The following CYFIP2 variants were observed in gnomAD, a reference collection of about 807,000 sequenced individuals.
The protein encoded by CYFIP2 is cytoplasmic FMR1 interacting protein 2, also known as cytoplasmic FMR1-interacting protein 2.
A neutral mutation model predicts 158.7 loss-of-function variants in CYFIP2; 29 were observed. That is an observed-to-expected ratio of 0.18 (90% confidence interval 0.14 to 0.25). The LOEUF (loss-of-function observed/expected upper bound fraction) is 0.25. Ranked by LOEUF, CYFIP2 falls within the 10% of genes least tolerant of loss-of-function variation. The probability of loss-of-function intolerance (pLI) is 1.00; values close to 1 mark genes in which losing one functional copy is unlikely to be tolerated. For missense variants in CYFIP2, 852 were observed against 1,639.5 expected, an observed-to-expected ratio of 0.52 and a Z score of 8.29; for synonymous variants, 585 against 617.6, an observed-to-expected ratio of 0.95 and a Z score of 0.78.
intron 2 of CYFIP2, among the ~76,000 whole-genome samples, 166 bp downstream of exon 2, chr5:157,285,644 TA>T (rs1757316338): frequency 6.6e-6 from 1 of 152,168 alleles, no homozygotes; most frequent in African/African-American, 2.4e-5. Flanking sequence ...AGGAACAGAT[TA>T]GCTACTAAAT....
At chr5:157,356,517 T>C (rs972334545) in intron 23 of CYFIP2, among the ~76,000 whole-genome samples, 1 of 152,230 alleles carries the variant, frequency 6.6e-6, no homozygotes, top group African/African-American at 2.4e-5. Flanking sequence ...CAAACACTTC[T>C]ATGTAGTCAA....
chr5:157,302,702 CTG>C (rs1418413903), intron 6 of CYFIP2, 90 bp from the exon 7 acceptor site: 17 of 873,980 alleles, frequency 1.9e-5, no homozygotes, highest in Non-Finnish European at 2.6e-5. Flanking sequence ...TGATGTCACT[CTG>C]TGTTAGGTGG....
At chr5:157,323,229 C>T (rs1760747601) in intron 15 of CYFIP2, among the ~76,000 whole-genome samples, 1 of 152,194 alleles carries the variant, frequency 6.6e-6, no homozygotes, top group South Asian at 2.1e-4. Context: ...CTAGTAGCCT[C>T]CTGTGTAAGT....
chr5:157,296,033 G>A lies in CYFIP2; in HGVS notation c.286-640G>A, dbSNP rs75761912. On this transcript the variant is annotated intron_variant, in intron 4 of 30. Transcript: ENST00000620254. Reference sequence around the variant, plus strand: ...ATCCAGCTGGACCCCGCTAGAGTGCGGACAGGGGAAAGACTGAAGGAGGGA... The same window carrying A: ...ATCCAGCTGGACCCCGCTAGAGTGCAGACAGGGGAAAGACTGAAGGAGGGA... Among the ~76,000 whole-genome samples the A allele has an allele frequency of 8.3e-4, 126 of 152,328 alleles. No homozygotes were observed. In the East Asian group the frequency reaches 0.018, roughly 22 times the overall value.
chr5:157,324,582 C>T (rs1415533599), intron 16 of CYFIP2, among the ~76,000 whole-genome samples: 1 of 152,118 alleles, frequency 6.6e-6, no homozygotes. Flanking sequence ...GTGATTGTAA[C>T]AAACAGTACA....
At chr5:157,391,107 G>T (rs527987552) in intron 30 of CYFIP2, among the ~76,000 whole-genome samples, 1 of 152,192 alleles carries the variant, frequency 6.6e-6, no homozygotes, top group East Asian at 1.9e-4. Flanking sequence ...GGGAGGCTGT[G>T]TCTGGGCTGA....
intron 26 of CYFIP2, among the ~76,000 whole-genome samples, chr5:157,373,954 G>C (rs1432051066): frequency 1.3e-5 from 2 of 152,206 alleles, no homozygotes; most frequent in Non-Finnish European, 2.9e-5. Context: ...ATCTAAGCTA[G>C]TAATTTTCCA....
At chr5:157,343,424 C>G in intron 23 of CYFIP2, 1 of 1,614,172 alleles carries the variant, frequency 6.2e-7, no homozygotes, top group Non-Finnish European at 8.5e-7. Context: ...AGAGAAGATG[C>G]TGTTCCAGTT....
At chr5:157,278,359 G>C (rs1374670001) in intron 1 of CYFIP2, among the ~76,000 whole-genome samples, 1 of 152,122 alleles carries the variant, frequency 6.6e-6, no homozygotes, top group Non-Finnish European at 1.5e-5. Context: ...TAGCTTGCCA[G>C]AGTTGTGTTC....
chr5:157,334,640 A>G (rs1448989193), intron 21 of CYFIP2, among the ~76,000 whole-genome samples: 5 of 152,178 alleles, frequency 3.3e-5, no homozygotes, highest in Non-Finnish European at 7.3e-5. Context: ...CACAATCTCA[A>G]TCTAATTATG....
chr5:157,328,095 A>C (rs1234338245), intron 19 of CYFIP2, 46 bp downstream of exon 19: 2 of 1,550,858 alleles, frequency 1.3e-6, no homozygotes, highest in East Asian at 2.3e-5. Context: ...TAAGACTGCC[A>C]CCTAGAAGAC....
intron 2 of CYFIP2, among the ~76,000 whole-genome samples, 164 bp downstream of exon 2, chr5:157,285,642 A>G (rs116130695): frequency 4.1e-4 from 62 of 152,300 alleles, no homozygotes; most frequent in African/African-American, 1.4e-3. Context: ...TAAGGAACAG[A>G]TTAGCTACTA....
intron 2 of CYFIP2, among the ~76,000 whole-genome samples, chr5:157,286,393 A>T (rs1757382684): frequency 6.7e-6 from 1 of 148,764 alleles, no homozygotes; most frequent in African/African-American, 2.5e-5. Context: ...TTTTTTTTTT[A>T]ACCAATAGAG....
At position 157,266,129 on chromosome 5, in the gene CYFIP2, T is replaced by G. The variant is rs1247081533; in HGVS notation, c.-90T>G. 1 of 150,364 alleles carries G rather than the reference T, an allele frequency of 6.7e-6. No homozygotes were observed. The highest frequency in any genetic ancestry group is 2.0e-4 in the East Asian group (1 of 5,102). The allele number at this position is 150,364 out of a possible 1,614,324, so 9.3% of individuals were successfully genotyped here. On this transcript the variant is annotated 5_prime_UTR_variant, in exon 1 of 31. Coordinates refer to ENST00000620254, the MANE Select transcript of CYFIP2 (RefSeq NM_001037333.3). The surrounding 1 kb of genome is among the most constrained non-coding windows in gnomAD (Gnocchi z 4.2). ...CGGCGCAGCGGAGCGGGGCAGAGCA[T>G]CCTGCGCCCCGGCGCGGGGCCCTGC...
intron 23 of CYFIP2, chr5:157,342,997 C>A (rs1288739840): frequency 6.2e-7 from 1 of 1,614,206 alleles, no homozygotes; most frequent in Non-Finnish European, 8.5e-7. Flanking sequence ...GCATTTCCAC[C>A]AGGGGGAGCC....
chr5:157,302,953 G>A (rs1452878485), intron 7 of CYFIP2, 63 bp downstream of exon 7: 14 of 1,355,372 alleles, frequency 1.0e-5, no homozygotes, highest in Non-Finnish European at 1.3e-5. Flanking sequence ...GGCGTGTAGA[G>A]GTTGGGTGGA....
chr5:157,307,643 GTGTGTGTGTGTGTA>G (rs1218713501), intron 8 of CYFIP2, 104 bp from the exon 9 acceptor site: 62 of 601,126 alleles, frequency 1.0e-4, no homozygotes, highest in African/African-American at 1.0e-3. Context: ...CAGGGTGTGT[GTGTGTGTGTGTGTA>G]TGTGTGTGTG....
intron 4 of CYFIP2, 96 bp downstream of exon 4, chr5:157,294,956 C>T (rs1350091522): frequency 9.2e-6 from 9 of 980,974 alleles, no homozygotes; most frequent in African/African-American, 4.8e-5. Flanking sequence ...TTTCTTTCCA[C>T]GTGGTAGGGA....
At chr5:157,305,201 G>A (rs1759112271) in intron 8 of CYFIP2, among the ~76,000 whole-genome samples, 1 of 152,160 alleles carries the variant, frequency 6.6e-6, no homozygotes, top group African/African-American at 2.4e-5. Flanking sequence ...TGTGAATTGT[G>A]CTGCTATAAA....
Sources: gnomAD v4.1 joint callset for allele counts (sites outside exome capture counted in the v4.1 genomes callset) on GRCh38, gnomAD v4.1.1 for gene constraint, Gnocchi (gnomAD v3.1) non-coding constraint, MANE v1.5 for transcripts, NCBI Gene and HGNC (gene_info 2026-07-23, HGNC 2026-07-21) for gene names.